Variants in BCL2L15 observed in about 807,000 individuals in gnomAD.
The protein encoded by BCL2L15 is BCL2 like 15.
In BCL2L15, 15 loss-of-function variants were observed where a neutral mutation model predicts 18.3. That is an observed-to-expected ratio of 0.82 (90% CI 0.55 to 1.26). BCL2L15 has a LOEUF of 1.26. Ranked by LOEUF, BCL2L15 falls within the 50% of genes most tolerant of loss-of-function variation. The pLI, the probability that BCL2L15 is intolerant of heterozygous loss-of-function variation, is 0.00. For synonymous variants in BCL2L15, 58 were observed against 68.5 expected, an observed-to-expected ratio of 0.85 and a Z score of 0.76; for missense variants, 180 against 201.7, an observed-to-expected ratio of 0.89 and a Z score of 0.65.
intron 2 of BCL2L15, 71 bp downstream of exon 2, chr1:113,886,466 G>A (rs1333307639): frequency 6.2e-6 from 9 of 1,459,542 alleles, no homozygotes; most frequent in Non-Finnish European, 8.4e-6. Context: ...CTGTAGTATG[G>A]GAGTAGTAAG....
At chr1:113,885,427 T>G (rs951779029) in intron 2 of BCL2L15, among the ~76,000 whole-genome samples, 1 of 151,764 alleles carries the variant, frequency 6.6e-6, no homozygotes, top group African/African-American at 2.4e-5. Flanking sequence ...GTTAAGAGGG[T>G]GGTTCTTTTT....
chr1:113,885,640 T>A (rs945658582), intron 2 of BCL2L15, among the ~76,000 whole-genome samples: 2 of 152,230 alleles, frequency 1.3e-5, no homozygotes, highest in African/African-American at 2.4e-5. Context: ...CAGGCTGGTG[T>A]TGAACTCCTC....
chr1:113,879,820 A>G lies in BCL2L15; in HGVS notation c.*1303T>C, dbSNP rs1401779693. 1 of 152,240 alleles carries G rather than the reference A, an allele frequency of 6.6e-6. No individual in the cohort carries two copies. The highest frequency in any genetic ancestry group is 1.5e-5 in the Non-Finnish European group (1 of 68,042). 9.4% of individuals were successfully genotyped at this position (152,240 alleles called of 1,614,324 possible). A position where few individuals can be genotyped will look rare whatever the true frequency, so the allele number is the denominator to read the frequency against. Reference sequence around the variant, plus strand: ...CCATGGACAATATGTAAACAAGTGAATGTTGCTCTATTCCAATAAAACTTT... The same window carrying G: ...CCATGGACAATATGTAAACAAGTGAGTGTTGCTCTATTCCAATAAAACTTT... On this transcript the variant is annotated 3_prime_UTR_variant, in exon 4 of 4. Transcript: ENST00000393316.
At chr1:113,886,319 A>C (rs1667033872) in intron 2 of BCL2L15, among the ~76,000 whole-genome samples, 1 of 152,166 alleles carries the variant, frequency 6.6e-6, no homozygotes, top group Non-Finnish European at 1.5e-5. Flanking sequence ...GACCAAGTAG[A>C]GACAAACTGA....
chr1:113,881,313 A>G, intron 3 of BCL2L15, 173 bp from the exon 4 acceptor site: 1 of 1,111,500 alleles, frequency 9.0e-7, no homozygotes, highest in Non-Finnish European at 1.3e-6. Context: ...GATGATTACT[A>G]AAACATGGGC....
At position 113,878,808 on chromosome 1, in the gene BCL2L15, T is replaced by C. The variant is rs1481277836; in HGVS notation, c.*2315A>G. On this transcript the variant is annotated 3_prime_UTR_variant, in exon 4 of 4. Coordinates refer to ENST00000393316, the MANE Select transcript of BCL2L15 (RefSeq NM_001010922.3). ...ACATCATTTATGGATTACTAACTTG[T>C]TGTGATTTAACTAGGAATAGAGGAA... The C allele has an allele frequency of 2.6e-5, 4 of 152,286 alleles. No homozygotes were observed. Among genetic ancestry groups the C allele is most frequent in the Non-Finnish European group, 5.9e-5 (4 of 68,030 alleles). The allele number at this position is 152,286 out of a possible 1,614,324, so 9.4% of individuals were successfully genotyped here.
chr1:113,886,706 G>A lies in BCL2L15; in HGVS notation c.128-48C>T, dbSNP rs376640873. ...GTTACAATGCTTGAAGCAATGGCAA[G>A]TCCCAGGAATCTGGGCAATGAGAAA... On this transcript the variant is annotated intron_variant, in intron 1 of 3. Coordinates refer to ENST00000393316, the MANE Select transcript of BCL2L15 (RefSeq NM_001010922.3). 20 of 1,541,376 alleles carry A rather than the reference G, an allele frequency of 1.3e-5. No individual in the cohort carries two copies. In the African/African-American group the frequency reaches 1.5e-4, roughly 12 times the overall value.
chr1:113,886,103 C>A (rs1433682784), intron 2 of BCL2L15, among the ~76,000 whole-genome samples: 5 of 150,570 alleles, frequency 3.3e-5, no homozygotes, highest in African/African-American at 1.2e-4. Context: ...GAAGTCCCAG[C>A]TACTCAGGAG....
chr1:113,879,616 C>G lies in BCL2L15; in HGVS notation c.*1507G>C, dbSNP rs1666811211. 1 of 152,214 alleles carries G rather than the reference C, an allele frequency of 6.6e-6. No homozygotes were observed. The highest frequency in any genetic ancestry group is 1.5e-5 in the Non-Finnish European group (1 of 68,028). 9.4% of individuals were successfully genotyped at this position (152,214 alleles called of 1,614,324 possible). On this transcript the variant is annotated 3_prime_UTR_variant, in exon 4 of 4. Coordinates refer to ENST00000393316, the MANE Select transcript of BCL2L15 (RefSeq NM_001010922.3). The stretch of plus-strand genomic sequence containing the variant: ...CTTTGAGTTTAAACCCTATCTACAG[C>G]TGTGTTTGCTGGAATTGTCAGGACT...
At position 113,880,198 on chromosome 1, in the gene BCL2L15, C is replaced by T. The variant is rs963430484; in HGVS notation, c.*925G>A. 1.3e-5 allele frequency: 2 copies of T among 151,218 alleles called. No homozygotes were observed. Among genetic ancestry groups the T allele is most frequent in the African/African-American group, 4.8e-5 (2 of 41,392 alleles). The allele number at this position is 151,218 out of a possible 1,614,324, so 9.4% of individuals were successfully genotyped here. ...GTAACTTTTATTTTCTTTGACCTTCCTAGTAGAAACAACTGTTTTTGTTTG... is the reference window on the plus strand; with the variant it reads ...GTAACTTTTATTTTCTTTGACCTTCTTAGTAGAAACAACTGTTTTTGTTTG... On this transcript the variant is annotated 3_prime_UTR_variant, in exon 4 of 4. Transcript: ENST00000393316.
chr1:113,885,255 CAA>C (rs34066649), intron 2 of BCL2L15, among the ~76,000 whole-genome samples: 6 of 145,956 alleles, frequency 4.1e-5, no homozygotes, highest in Admixed American at 6.7e-5. Context: ...AGCACCCAGC[CAA>C]AAAAAAAAAT....
chr1:113,887,229 G>T lies in BCL2L15; in HGVS notation c.127+20C>A, dbSNP rs767327056. 6.2e-7 allele frequency: 1 copy of T among 1,610,998 alleles called. No homozygotes were observed. Among genetic ancestry groups the T allele is most frequent in the Non-Finnish European group, 8.5e-7 (1 of 1,177,514 alleles). ...ATACTCTTATTGACCTGCAATCACC[G>T]CCTAGGGCAGGAACCTTACCTGAAT... On this transcript the variant is annotated intron_variant, in intron 1 of 3. Transcript: ENST00000393316.
intron 1 of BCL2L15, among the ~76,000 whole-genome samples, 180 bp from the exon 2 acceptor site, chr1:113,886,838 C>T (rs948487316): frequency 6.6e-6 from 1 of 152,088 alleles, no homozygotes; most frequent in Non-Finnish European, 1.5e-5. Context: ...GAACCTCTTT[C>T]GCTTTAGGTG....
At chr1:113,883,717 G>A (rs561691298) in intron 2 of BCL2L15, among the ~76,000 whole-genome samples, 1 of 152,298 alleles carries the variant, frequency 6.6e-6, no homozygotes, top group South Asian at 2.1e-4. Context: ...CCGAGAGGCA[G>A]GGGTTGCAGT....
At chr1:113,884,782 T>C (rs966982742) in intron 2 of BCL2L15, among the ~76,000 whole-genome samples, 1 of 147,846 alleles carries the variant, frequency 6.8e-6, no homozygotes, top group Non-Finnish European at 1.5e-5. Context: ...TTTATTTATG[T>C]TTTTTTTTTG....
chr1:113,884,867 C>T (rs1412041584), intron 2 of BCL2L15, among the ~76,000 whole-genome samples: 1 of 151,990 alleles, frequency 6.6e-6, no homozygotes, highest in Non-Finnish European at 1.5e-5. Flanking sequence ...CTCCCCCTCC[C>T]TGTCAAGCAA....
At chr1:113,882,724 A>C (rs911497400) in intron 2 of BCL2L15, among the ~76,000 whole-genome samples, 6 of 152,140 alleles carry the variant, frequency 3.9e-5, no homozygotes, top group African/African-American at 1.4e-4. Context: ...GGATCACATG[A>C]GGTCAGGAGT....
rs1360542781 is a variant in BCL2L15, at chr1:113,880,470, CA to C, written c.*652del. The stretch of plus-strand genomic sequence containing the variant: ...CGAAACCTCATCTCTACTAAAAATA[CA>C]AAAAATTAGCCGGGCGTGATGGCGG... On this transcript the variant is annotated 3_prime_UTR_variant, in exon 4 of 4. Coordinates refer to ENST00000393316, the MANE Select transcript of BCL2L15 (RefSeq NM_001010922.3). 3 of 152,086 alleles carry C rather than the reference CA, an allele frequency of 2.0e-5. No individual in the cohort carries two copies. Among genetic ancestry groups the C allele is most frequent in the Non-Finnish European group, 2.9e-5 (2 of 68,076 alleles). 9.4% of individuals were successfully genotyped at this position (152,086 alleles called of 1,614,324 possible). A position where few individuals can be genotyped will look rare whatever the true frequency, so the allele number is the denominator to read the frequency against.
At position 113,881,024 on chromosome 1, in the gene BCL2L15, A is replaced by G. The variant is rs1319434257; in HGVS notation, c.*99T>C. The G allele has an allele frequency of 1.3e-6, 2 of 1,563,204 alleles. No homozygotes were observed. Among genetic ancestry groups the G allele is most frequent in the Non-Finnish European group, 1.8e-6 (2 of 1,136,806 alleles). ...CTAAGTTCAGTTCTGATAAAATGAA[A>G]AAAGTGCTTTTTTATTTGTTTGTTT... On this transcript the variant is annotated 3_prime_UTR_variant, in exon 4 of 4. Coordinates refer to ENST00000393316, the MANE Select transcript of BCL2L15 (RefSeq NM_001010922.3).
Sources: allele counts gnomAD v4.1 joint callset (sites outside exome capture counted in the v4.1 genomes callset), GRCh38; gene constraint gnomAD v4.1.1; transcripts MANE v1.5; gene names NCBI Gene and HGNC (gene_info 2026-07-23, HGNC 2026-07-21).